Variants in LMTK2 observed in about 807,000 individuals in gnomAD.
LMTK2 encodes lemur tail kinase 2.
In LMTK2, 37 loss-of-function variants were observed where a neutral mutation model predicts 127.5. That is an observed-to-expected ratio of 0.29 (90% CI 0.22 to 0.38). The LOEUF (loss-of-function observed/expected upper bound fraction) is 0.38. Among genes scored for constraint, LMTK2 ranks in the 10% least tolerant of loss-of-function variants. The pLI, the probability that LMTK2 is intolerant of heterozygous loss-of-function variation, is 1.00. For missense variants in LMTK2, 1,694 were observed against 1,920.3 expected (o/e 0.88, Z 2.20); for synonymous variants, 819 against 810.1 (o/e 1.01, Z -0.19).
At chr7:98,137,572 A>C (rs760286113) in intron 2 of LMTK2, 130 bp downstream of exon 2, 2 of 746,888 alleles carry the variant, frequency 2.7e-6, no homozygotes, top group Non-Finnish European at 4.1e-6. Flanking sequence ...CAAATAGTAA[A>C]TATTTTCTAC....
At chr7:98,109,427 C>G (rs1796166095) in intron 1 of LMTK2, among the ~76,000 whole-genome samples, 1 of 151,652 alleles carries the variant, frequency 6.6e-6, no homozygotes. Context: ...TAATGGGTAC[C>G]TAGGGTTAAA....
intron 3 of LMTK2, among the ~76,000 whole-genome samples, chr7:98,145,375 T>C (rs570401920): frequency 2.0e-5 from 3 of 152,302 alleles, no homozygotes; most frequent in African/African-American, 7.2e-5. Context: ...TTTTAGAGTA[T>C]GAAATTTAAG....
chr7:98,121,205 C>T (rs2116330252), intron 1 of LMTK2, among the ~76,000 whole-genome samples: 2 of 152,290 alleles, frequency 1.3e-5, no homozygotes, highest in Middle Eastern at 3.4e-3. Context: ...CATGCACACA[C>T]GGAGACCCAA....
intron 6 of LMTK2, among the ~76,000 whole-genome samples, chr7:98,165,485 A>C (rs571070202): frequency 3.3e-5 from 5 of 152,032 alleles, no homozygotes; most frequent in African/African-American, 9.7e-5. Context: ...ATTTTATTCT[A>C]TTGTTTTTAA....
At position 98,178,410 on chromosome 7, in the gene LMTK2, G is replaced by A. The variant is rs374657478; in HGVS notation, c.792-6641G>A. Among the ~76,000 whole-genome samples, 48 of 152,258 alleles carry A rather than the reference G, an allele frequency of 3.2e-4. No homozygotes were observed. In the East Asian group the frequency reaches 6.6e-3, roughly 21 times the overall value. On this transcript the variant is annotated intron_variant, in intron 7 of 13. Transcript: ENST00000297293. The stretch of plus-strand genomic sequence containing the variant: ...ATCGGGGTGGGAACCCTTCAGAACC[G>A]CGAGCTCCCACTTTCTGTCGATCGC...
chr7:98,192,245 A>T lies in LMTK2; in HGVS notation c.1780A>T (p.Ser594Cys). The change falls in exon 11 of 14, where the codon AGC becomes TGC. Residue 594 changes from serine (S) to cysteine (C), a missense_variant. Coordinates refer to ENST00000297293, the MANE Select transcript of LMTK2 (RefSeq NM_014916.4). ...ACTGTCCCAGCTCACGGCGCTCAGG[A>T]GCGTTGAACTTGAGGAGTCCAGTAC... ...PELSQLTALR[S>C]VELEESSTDE... The T allele has an allele frequency of 6.6e-7, 1 of 1,524,868 alleles. No individual in the cohort carries two copies. 94.5% of individuals were successfully genotyped at this position (1,524,868 alleles called of 1,614,324 possible).
chr7:98,166,277 C>T (rs1797098027), intron 6 of LMTK2, among the ~76,000 whole-genome samples: 1 of 152,244 alleles, frequency 6.6e-6, no homozygotes, highest in Admixed American at 6.5e-5. Flanking sequence ...CCAAGGTGTG[C>T]ACCTGTAGCT....
At chr7:98,187,579 G>GAT (rs896247954) in intron 9 of LMTK2, among the ~76,000 whole-genome samples, 16 of 151,060 alleles carry the variant, frequency 1.1e-4, no homozygotes, top group East Asian at 3.9e-4. Context: ...GGGGTACAGT[G>GAT]ATATATATAT....
At chr7:98,139,167 C>G (rs1331273766) in intron 2 of LMTK2, among the ~76,000 whole-genome samples, 2 of 152,100 alleles carry the variant, frequency 1.3e-5, no homozygotes, top group African/African-American at 4.8e-5. Flanking sequence ...TCTCTGTCAC[C>G]CAGGCTGGAT....
intron 3 of LMTK2, among the ~76,000 whole-genome samples, chr7:98,149,137 A>G (rs1019568536): frequency 5.9e-5 from 9 of 152,248 alleles, no homozygotes; most frequent in African/African-American, 2.2e-4. Flanking sequence ...AAGAGAAGCC[A>G]CTTGTGGCAG....
At chr7:98,125,947 G>A (rs1796438808) in intron 1 of LMTK2, among the ~76,000 whole-genome samples, 1 of 152,164 alleles carries the variant, frequency 6.6e-6, no homozygotes, top group South Asian at 2.1e-4. Context: ...ATATTCAATA[G>A]TAGCACCGGG....
In LMTK2 at chr7:98,171,702, C is replaced by T. The variant is rs555883301; in HGVS notation, c.791+28C>T. On this transcript the variant is annotated intron_variant, in intron 7 of 13. Coordinates refer to ENST00000297293, the MANE Select transcript of LMTK2 (RefSeq NM_014916.4). The surrounding 1 kb of genome is among the most constrained non-coding windows in gnomAD (Gnocchi z 5.1). ...GGGTACCTGCGTCAGCGGTGCACGCCCCACACAGCACCGGCGGGACAGTCC... is the reference window on the plus strand; with the variant it reads ...GGGTACCTGCGTCAGCGGTGCACGCTCCACACAGCACCGGCGGGACAGTCC... 390 of 1,540,372 alleles carry T rather than the reference C, an allele frequency of 2.5e-4. 3 individuals carry two copies. In the South Asian group the frequency reaches 4.7e-3, roughly 19 times the overall value.
rs367912151 is a variant in LMTK2, at chr7:98,193,337, G to A, written c.2872G>A (p.Ala958Thr). 10 of 1,614,136 alleles carry A rather than the reference G, an allele frequency of 6.2e-6. No individual in the cohort carries two copies. Among genetic ancestry groups the A allele is most frequent in the African/African-American group, 2.7e-5 (2 of 75,048 alleles). ...ETLNQLNSKD[A>T]AKEAGLVSAL... is the part of the protein sequence containing the mutation. ...TTTAAATCAGCTCAATTCTAAAGAC[G>A]CAGCAAAAGAAGCAGGCTTGGTGTC... Residue 958 changes from alanine (A) to threonine (T), a missense_variant, in exon 11 of 14, where the codon GCA becomes ACA. Physicochemically the swap from Ala to Thr is moderately conservative, Grantham distance 58. Coordinates refer to ENST00000297293, the MANE Select transcript of LMTK2 (RefSeq NM_014916.4). The surrounding 1 kb of genome is among the most constrained non-coding windows in gnomAD (Gnocchi z 4.1).
At chr7:98,189,764 A>G (rs778453978) in intron 9 of LMTK2, among the ~76,000 whole-genome samples, 20 of 152,126 alleles carry the variant, frequency 1.3e-4, no homozygotes, top group Non-Finnish European at 2.4e-4. Flanking sequence ...GTGAGAGAGG[A>G]TTGGGCTGGG....
intron 6 of LMTK2, among the ~76,000 whole-genome samples, chr7:98,170,849 T>C (rs1041527917): frequency 2.0e-5 from 3 of 152,150 alleles, no homozygotes; most frequent in African/African-American, 7.2e-5. Context: ...TGGGGAGCCC[T>C]GCAGTGTCAT....
At chr7:98,129,246 G>A (rs1014123562) in intron 1 of LMTK2, among the ~76,000 whole-genome samples, 4 of 151,888 alleles carry the variant, frequency 2.6e-5, no homozygotes, top group South Asian at 2.1e-4. Context: ...CACCACGCCC[G>A]GCTAAGTTTT....
chr7:98,142,695 A>G (rs2116371510), intron 3 of LMTK2, among the ~76,000 whole-genome samples: 1 of 152,346 alleles, frequency 6.6e-6, no homozygotes, highest in South Asian at 2.1e-4. Flanking sequence ...GATCAGCCTA[A>G]GTGGAAACGA....
At chr7:98,120,501 T>G (rs1355456093) in intron 1 of LMTK2, among the ~76,000 whole-genome samples, 1 of 152,254 alleles carries the variant, frequency 6.6e-6, no homozygotes, top group Non-Finnish European at 1.5e-5. Context: ...TAAAATTTTG[T>G]AGTTGCAGCT....
At position 98,132,566 on chromosome 7, in the gene LMTK2, A is replaced by G. The variant is rs112760138; in HGVS notation, c.104-4749A>G. 3.9e-5 allele frequency among the ~76,000 whole-genome samples: 6 copies of G among 151,970 alleles called. No individual in the cohort carries two copies. The East Asian group carries it at 1.2e-3, about 29-fold the overall frequency. On this transcript the variant is annotated intron_variant, in intron 1 of 13. Coordinates refer to ENST00000297293, the MANE Select transcript of LMTK2 (RefSeq NM_014916.4). ...ACCCAACCACCAACTCATTTTTTAA[A>G]AACTGGCAAAGAGAAAGATTGAAGT...
Sources: gnomAD v4.1 joint callset for allele counts (sites outside exome capture counted in the v4.1 genomes callset) on GRCh38, gnomAD v4.1.1 for gene constraint, Gnocchi (gnomAD v3.1) non-coding constraint, MANE v1.5 for transcripts, NCBI Gene and HGNC (gene_info 2026-07-23, HGNC 2026-07-21) for gene names.